USP45: variants seen among roughly 807,000 people sequenced by gnomAD.
USP45 encodes ubiquitin specific peptidase 45.
A neutral mutation model predicts 95.8 loss-of-function variants in USP45; 89 were observed. The observed-to-expected ratio is 0.93, with a 90% CI of 0.78 to 1.11. USP45 has a LOEUF of 1.11. USP45 is among the 50% of genes least tolerant of loss of function. The probability of loss-of-function intolerance (pLI) is 0.00; values close to 1 mark genes in which losing one functional copy is unlikely to be tolerated. For synonymous variants in USP45, 281 were observed against 316.2 expected, an observed-to-expected ratio of 0.89 and a Z score of 1.18; for missense variants, 898 against 942.5, an observed-to-expected ratio of 0.95 and a Z score of 0.62.
upstream of USP45, among the ~76,000 whole-genome samples, chr6:99,516,717 T>A (rs1801137850): frequency 3.3e-5 from 5 of 152,056 alleles, no homozygotes; most frequent in Admixed American, 3.3e-4. Flanking sequence ...GAAGGCAAAA[T>A]TGTCTACTTC....
chr6:99,477,360 G>C (rs1363966736), intron 8 of USP45, among the ~76,000 whole-genome samples: 1 of 152,096 alleles, frequency 6.6e-6, no homozygotes, highest in Non-Finnish European at 1.5e-5. Flanking sequence ...CTGGAGTGCA[G>C]TGGCACAATC....
chr6:99,447,446 C>A (rs533980368), intron 13 of USP45, among the ~76,000 whole-genome samples: 18 of 152,150 alleles, frequency 1.2e-4, no homozygotes, highest in Admixed American at 5.2e-4. Context: ...CATTAGCCAA[C>A]AAGTTCCACT....
intron 9 of USP45, among the ~76,000 whole-genome samples, chr6:99,473,731 G>A (rs1275431360): frequency 3.6e-5 from 5 of 137,162 alleles, no homozygotes. Flanking sequence ...CTCCAGCCTG[G>A]ATGACAGAGT....
At chr6:99,473,954 TAG>T (rs2128666731) in intron 9 of USP45, among the ~76,000 whole-genome samples, 1 of 152,038 alleles carries the variant, frequency 6.6e-6, no homozygotes, top group Admixed American at 6.6e-5. Flanking sequence ...TATGTAAAAG[TAG>T]AGAGGTGGCA....
chr6:99,472,212 C>A (rs566409866), intron 9 of USP45, among the ~76,000 whole-genome samples: 112 of 131,982 alleles, frequency 8.5e-4, no homozygotes, highest in African/African-American at 3.0e-3. Flanking sequence ...CTTTTAACTT[C>A]ACTTACTAAT....
At chr6:99,447,189 G>A (rs1175779973) in intron 13 of USP45, among the ~76,000 whole-genome samples, 1 of 152,056 alleles carries the variant, frequency 6.6e-6, no homozygotes, top group Non-Finnish European at 1.5e-5. Context: ...CCTAAGTTTG[G>A]GAAGGGGGGA....
intron 13 of USP45, among the ~76,000 whole-genome samples, chr6:99,449,603 T>C (rs552545928): frequency 3.4e-4 from 51 of 151,630 alleles, no homozygotes; most frequent in African/African-American, 1.1e-3. Context: ...AACACCCCAC[T>C]GTCAACATTA....
chr6:99,482,613 A>G (rs1792690353), intron 8 of USP45, 140 bp downstream of exon 8: 1 of 732,112 alleles, frequency 1.4e-6, no homozygotes, highest in African/African-American at 1.8e-5. Context: ...TAAAGCATAG[A>G]GCTGTAACAA....
At chr6:99,447,267 G>C (rs536216051) in intron 13 of USP45, among the ~76,000 whole-genome samples, 122 of 152,264 alleles carry the variant, frequency 8.0e-4, no homozygotes, top group African/African-American at 2.7e-3. Context: ...CTGATGGCTT[G>C]AAGTACATTT....
intron 8 of USP45, among the ~76,000 whole-genome samples, chr6:99,480,487 C>T (rs1438431802): frequency 2.0e-5 from 3 of 152,094 alleles, no homozygotes; most frequent in Non-Finnish European, 4.4e-5. Flanking sequence ...ACCAGCCTGA[C>T]CAACATGGAG....
chr6:99,509,052 T>G (rs561730829), intron 2 of USP45, among the ~76,000 whole-genome samples: 2 of 152,232 alleles, frequency 1.3e-5, no homozygotes, highest in Admixed American at 6.5e-5. Flanking sequence ...CATAGAGTGG[T>G]GATGACACAG....
At chr6:99,513,585 A>G (rs1327815766) in intron 1 of USP45, among the ~76,000 whole-genome samples, 1 of 152,234 alleles carries the variant, frequency 6.6e-6, no homozygotes, top group Non-Finnish European at 1.5e-5. Flanking sequence ...GATAAAGATG[A>G]GCATTAACAC....
intron 1 of USP45, among the ~76,000 whole-genome samples, chr6:99,511,175 TTATTATTAC>T (rs1420065536): frequency 3.1e-5 from 4 of 127,112 alleles, no homozygotes; most frequent in African/African-American, 1.0e-4. Flanking sequence ...CACATTTATA[TTATTATTAC>T]TATTATTATT....
intron 4 of USP45, among the ~76,000 whole-genome samples, 163 bp downstream of exon 4, chr6:99,507,265 C>T (rs1299720078): frequency 6.6e-6 from 1 of 151,978 alleles, no homozygotes; most frequent in Non-Finnish European, 1.5e-5. Context: ...TTTATATTCA[C>T]AGGTAATATT....
At position 99,503,884 on chromosome 6, in the gene USP45, TAAGA is replaced by T; in HGVS notation, c.378-23_378-20del. 1 of 1,459,004 alleles carries T rather than the reference TAAGA, an allele frequency of 6.9e-7. No homozygotes were observed. The highest frequency in any genetic ancestry group is 9.3e-7 in the Non-Finnish European group (1 of 1,076,194). 90.4% of individuals were successfully genotyped at this position (1,459,004 alleles called of 1,614,324 possible). On this transcript the variant is annotated intron_variant, in intron 4 of 17. Transcript: ENST00000500704. Reference sequence around the variant, plus strand: ...ATAACACCTGAAAAAGTATAAAATTTAAGAAAATATTATGAAAATATTCTCAATA... The same window carrying T: ...ATAACACCTGAAAAAGTATAAAATTTAAATATTATGAAAATATTCTCAATA...
intron 8 of USP45, among the ~76,000 whole-genome samples, chr6:99,480,168 A>C (rs1792025900): frequency 1.3e-5 from 2 of 152,220 alleles, no homozygotes; most frequent in African/African-American, 4.8e-5. Flanking sequence ...TAGCATAAAA[A>C]CATGAAATTC....
intron 8 of USP45, 108 bp downstream of exon 8, chr6:99,482,645 A>G: frequency 9.1e-7 from 1 of 1,103,148 alleles, no homozygotes; most frequent in Non-Finnish European, 1.2e-6. Flanking sequence ...CTTCATAGTC[A>G]GGGCAATAAG....
chr6:99,516,090 C>CCGCCGCCCCCACACCG (rs1562475483), upstream of USP45, among the ~76,000 whole-genome samples: 1 of 151,664 alleles, frequency 6.6e-6, no homozygotes, highest in Non-Finnish European at 1.5e-5. Context: ...CCCCCACACC[C>CCGCCGCCCCCACACCG]CCGCCGCCCC....
intron 11 of USP45, among the ~76,000 whole-genome samples, chr6:99,465,405 G>A (rs970524380): frequency 4.0e-5 from 6 of 151,878 alleles, no homozygotes; most frequent in African/African-American, 1.2e-4. Context: ...TAAAAAAACT[G>A]TTTAATAAAA....
Sources: gnomAD v4.1 joint callset for allele counts (sites outside exome capture counted in the v4.1 genomes callset) on GRCh38, gnomAD v4.1.1 for gene constraint, MANE v1.5 for transcripts, NCBI Gene and HGNC (gene_info 2026-07-23, HGNC 2026-07-21) for gene names.